Variants in SERINC5 observed in about 807,000 individuals in gnomAD.
SERINC5 encodes the protein serine incorporator 5, also known as chromosome 5 open reading frame 12.
SERINC5 carries 41 observed loss-of-function variants against 63.1 expected under a neutral mutation model. The ratio of observed to expected loss-of-function variants is 0.65; its 90% CI spans 0.51 to 0.84. The LOEUF (loss-of-function observed/expected upper bound fraction) is 0.84, where lower values mean the gene tolerates loss of function less well. SERINC5 is among the 40% of genes least tolerant of loss of function. The pLI, the probability that SERINC5 is intolerant of heterozygous loss-of-function variation, is 0.00. For synonymous variants in SERINC5, 222 were observed against 215.2 expected, an observed-to-expected ratio of 1.03 and a Z score of -0.28; for missense variants, 523 against 573.0, an observed-to-expected ratio of 0.91 and a Z score of 0.89.
Position 80,119,469 on chromosome 5 carries a change from TG to T in SERINC5, c.1239-5845del, listed in dbSNP as rs142511403. On this transcript the variant is annotated intron_variant, in intron 11 of 12. Coordinates refer to the SERINC5 transcript ENST00000509193. ...CTAAGCAGTGCAGGGATCAGCTGGG[TG>T]GGTTTGTCAGCAGAGAACAGGGCCA... Among the ~76,000 whole-genome samples, 382 of 152,226 alleles carry T rather than the reference TG, an allele frequency of 2.5e-3. 1 individual carries two copies. Among genetic ancestry groups the T allele is most frequent in the African/African-American group, 8.7e-3 (360 of 41,532 alleles).
rs147162628 is a variant in SERINC5, at chr5:80,188,720, T to G, written c.196-10656A>C. On this transcript the variant is annotated intron_variant, in intron 2 of 11. Coordinates refer to ENST00000507668, the MANE Select transcript of SERINC5 (RefSeq NM_001174072.3). Reference sequence around the variant, plus strand: ...GGGCAGCACAGTGAGAGACCCCGTCTCTACAAAAAGTAAAAAAATTGGCCA... The same window carrying G: ...GGGCAGCACAGTGAGAGACCCCGTCGCTACAAAAAGTAAAAAAATTGGCCA... Among the ~76,000 whole-genome samples the G allele has an allele frequency of 2.6e-5, 4 of 152,198 alleles. No individual in the cohort carries two copies. In the East Asian group the frequency reaches 7.7e-4, roughly 29 times the overall value.
In SERINC5 at chr5:80,230,459, A is replaced by AAAAAAAAAAAAAAAAG. The variant is rs70982042; in HGVS notation, c.27+25436_27+25437insCTTTTTTTTTTTTTTT. On this transcript the variant is annotated intron_variant, in intron 1 of 11. Transcript: ENST00000507668. The stretch of plus-strand genomic sequence containing the variant: ...CAAGACTGTCACAAAAAAAAAAAAA[A>AAAAAAAAAAAAAAAAG]AAAGAAACCATTGCTCTTCAAATTT... 2.3e-3 allele frequency among the ~76,000 whole-genome samples: 296 copies of AAAAAAAAAAAAAAAAG among 128,572 alleles called. 12 individuals are homozygous for AAAAAAAAAAAAAAAAG. Among genetic ancestry groups the AAAAAAAAAAAAAAAAG allele is most frequent in the African/African-American group, 8.8e-3 (281 of 31,972 alleles). 84.3% of individuals were successfully genotyped at this position (128,572 alleles called of 152,430 possible).
Position 80,149,135 on chromosome 5 carries a change from T to C in SERINC5, c.1053+1747A>G, listed in dbSNP as rs117205387. 5.3e-4 allele frequency among the ~76,000 whole-genome samples: 81 copies of C among 152,320 alleles called. No individual in the cohort carries two copies. In the East Asian group the frequency reaches 0.015, roughly 28 times the overall value. ...GAAGGAAACACTCGGACATTTTCCC[T>C]TGGACTGAGAAGAAAAACATCCTCT... On this transcript the variant is annotated intron_variant, in intron 9 of 11. Transcript: ENST00000507668.
chr5:80,201,710 GAGGT>G (rs1053416797), intron 2 of SERINC5, among the ~76,000 whole-genome samples: 1 of 152,164 alleles, frequency 6.6e-6, no homozygotes, highest in Non-Finnish European at 1.5e-5. Flanking sequence ...TCAAGAAAAA[GAGGT>G]CCCACATGTA....
chr5:80,229,908 G>A (rs1437128387), intron 1 of SERINC5, among the ~76,000 whole-genome samples: 3 of 152,194 alleles, frequency 2.0e-5, no homozygotes, highest in African/African-American at 4.8e-5. Context: ...CACTTAGAAC[G>A]TTAATTGTCA....
Position 80,139,941 on chromosome 5 carries a change from A to G in SERINC5, c.*3722T>C. On this transcript the variant is annotated 3_prime_UTR_variant, in exon 12 of 12. Transcript: ENST00000507668. ...GGAAAGGCAATAAAGGGAGTGTAAA[A>G]GCCTAGGTAGCTTAAATACAGGCTC... 6 of 985,444 alleles carry G rather than the reference A, an allele frequency of 6.1e-6. No individual in the cohort carries two copies. The highest frequency in any genetic ancestry group is 7.2e-6 in the Non-Finnish European group (6 of 829,928). 61.0% of individuals were successfully genotyped at this position (985,444 alleles called of 1,614,324 possible).
At chr5:80,239,159 C>T (rs115977862) in intron 1 of SERINC5, among the ~76,000 whole-genome samples, 1 of 152,180 alleles carries the variant, frequency 6.6e-6, no homozygotes, top group Non-Finnish European at 1.5e-5. Flanking sequence ...TTCCCAGATT[C>T]TCACAACCCC....
chr5:80,158,520 G>A (rs991387287), intron 8 of SERINC5: 23 of 257,086 alleles, frequency 8.9e-5, no homozygotes, highest in African/African-American at 3.3e-4. Context: ...ACTACTATTC[G>A]ACCATCTTTT....
intron 5 of SERINC5, among the ~76,000 whole-genome samples, chr5:80,172,124 A>G (rs1747707937): frequency 6.6e-6 from 1 of 152,068 alleles, no homozygotes; most frequent in Admixed American, 6.6e-5. Flanking sequence ...GAGGTCAGGA[A>G]TTCGAGACCA....
At chr5:80,116,510 G>A (rs988981986) in intron 11 of SERINC5, among the ~76,000 whole-genome samples, 29 of 152,076 alleles carry the variant, frequency 1.9e-4, no homozygotes, top group African/African-American at 6.3e-4. Flanking sequence ...CACTCTCCAG[G>A]CTTAGTGGGT....
In SERINC5 at chr5:80,202,562, A is replaced by G. The variant is rs561594485; in HGVS notation, c.195+324T>C. On this transcript the variant is annotated intron_variant, in intron 2 of 11. Coordinates refer to ENST00000507668, the MANE Select transcript of SERINC5 (RefSeq NM_001174072.3). Reference sequence around the variant, plus strand: ...GGCCCTGACTTCACCACAAGGTAATATATCAACATAGCAAAATTGCACTTG... The same window carrying G: ...GGCCCTGACTTCACCACAAGGTAATGTATCAACATAGCAAAATTGCACTTG... 2.0e-5 allele frequency among the ~76,000 whole-genome samples: 3 copies of G among 152,272 alleles called. No homozygotes were observed. In the South Asian group the frequency reaches 6.2e-4, roughly 32 times the overall value.
At chr5:80,188,037 C>T (rs1001716509) in intron 2 of SERINC5, among the ~76,000 whole-genome samples, 126 of 152,264 alleles carry the variant, frequency 8.3e-4, no homozygotes, top group African/African-American at 3.0e-3. Flanking sequence ...ATAATCCTAG[C>T]ACTTTGGGAG....
chr5:80,124,006 A>G (rs904909283), intron 11 of SERINC5, among the ~76,000 whole-genome samples: 5 of 152,190 alleles, frequency 3.3e-5, no homozygotes, highest in Admixed American at 6.5e-5. Context: ...GGAAGGAGAG[A>G]GAGGTATTGT....
intron 8 of SERINC5, chr5:80,158,085 A>G (rs936769082): frequency 3.3e-5 from 5 of 152,246 alleles, no homozygotes; most frequent in Non-Finnish European, 7.3e-5. Context: ...CAAAATGTAA[A>G]CACAGAAGTA....
At position 80,166,465 on chromosome 5, in the gene SERINC5, C is replaced by A; in HGVS notation, c.777G>T (p.Ser259=). 6.3e-7 allele frequency: 1 copy of A among 1,588,130 alleles called. No homozygotes were observed. Among genetic ancestry groups the A allele is most frequent in the South Asian group, 1.2e-5 (1 of 86,692 alleles). The change falls in exon 7 of 12, where the codon TCG becomes TCT. Residue 259 remains serine (S), a synonymous_variant. Coordinates refer to ENST00000507668, the MANE Select transcript of SERINC5 (RefSeq NM_001174072.3). ...SPWVQNRQPH[S]GLLQSGVISC... ...TTATGACCCCTGATTGTAAGAGCCC[C>A]GAGTGTGGCTGTCCTGAAAAGTGAC... is the stretch of plus-strand genomic sequence containing the variant.
At chr5:80,146,947 T>C (rs1745864281) in intron 10 of SERINC5, among the ~76,000 whole-genome samples, 1 of 152,188 alleles carries the variant, frequency 6.6e-6, no homozygotes, top group Non-Finnish European at 1.5e-5. Context: ...CTCTTGGTAT[T>C]TTCCAAATCA....
At chr5:80,167,392 G>A (rs534890428) in intron 6 of SERINC5, among the ~76,000 whole-genome samples, 7 of 152,208 alleles carry the variant, frequency 4.6e-5, no homozygotes, top group South Asian at 4.1e-4. Flanking sequence ...CCCCATCCAC[G>A]TTCCTGCAAA....
chr5:80,182,944 AT>A (rs1202611541), intron 2 of SERINC5, among the ~76,000 whole-genome samples: 18 of 152,138 alleles, frequency 1.2e-4, no homozygotes, highest in Non-Finnish European at 2.5e-4. Context: ...GAAGGAAGCC[AT>A]TTTTCCCTTC....
intron 2 of SERINC5, among the ~76,000 whole-genome samples, chr5:80,200,338 T>C: frequency 8.4e-6 from 1 of 118,982 alleles, no homozygotes; most frequent in Admixed American, 8.3e-5. Context: ...AAAAAAAAAT[T>C]AGCCAGGCGT....
Sources: gnomAD v4.1 joint callset for allele counts (sites outside exome capture counted in the v4.1 genomes callset) on GRCh38, gnomAD v4.1.1 for gene constraint, MANE v1.5 for transcripts, NCBI Gene and HGNC (gene_info 2026-07-23, HGNC 2026-07-21) for gene names.